ZSWIM5: variants seen among roughly 807,000 people sequenced by gnomAD.
The protein encoded by ZSWIM5 is zinc finger SWIM-type containing 5.
ZSWIM5 carries 55 observed loss-of-function variants against 119.6 expected under a neutral mutation model. The observed-to-expected ratio is 0.46, with a 90% CI of 0.37 to 0.58. The LOEUF (loss-of-function observed/expected upper bound fraction) is 0.58. Ranked by LOEUF, ZSWIM5 falls within the 20% of genes least tolerant of loss-of-function variation. The pLI is 0.00. For synonymous variants in ZSWIM5, 537 were observed against 606.9 expected, an observed-to-expected ratio of 0.88 and a Z score of 1.69; for missense variants, 1,193 against 1,512.8, an observed-to-expected ratio of 0.79 and a Z score of 3.51.
chr1:45,052,885 G>A, intron 4 of ZSWIM5, among the ~76,000 whole-genome samples: 1 of 152,072 alleles, frequency 6.6e-6, no homozygotes, highest in African/African-American at 2.4e-5. Flanking sequence ...CCTGTGGGAG[G>A]CTGAGGTGGG....
chr1:45,146,475 T>C (rs1382782451), intron 1 of ZSWIM5, among the ~76,000 whole-genome samples: 1 of 131,712 alleles, frequency 7.6e-6, no homozygotes, highest in Non-Finnish European at 1.6e-5. Flanking sequence ...AGAGTCTTGC[T>C]CTCACCCAGG....
chr1:45,152,276 G>A (rs1178833445), intron 1 of ZSWIM5, among the ~76,000 whole-genome samples: 1 of 152,222 alleles, frequency 6.6e-6, no homozygotes, highest in Non-Finnish European at 1.5e-5. Flanking sequence ...AGAAAGTCAA[G>A]AGTGGTTTCT....
At chr1:45,205,099 C>G (rs1646179422) in intron 1 of ZSWIM5, among the ~76,000 whole-genome samples, 1 of 151,766 alleles carries the variant, frequency 6.6e-6, no homozygotes, top group African/African-American at 2.4e-5. Flanking sequence ...GAAGAGAGAC[C>G]CCACCCCCAC....
intron 1 of ZSWIM5, among the ~76,000 whole-genome samples, chr1:45,172,516 C>T (rs573882344): frequency 6.6e-6 from 1 of 152,134 alleles, no homozygotes; most frequent in South Asian, 2.1e-4. Flanking sequence ...TTTTATTTTG[C>T]AACATGATAA....
intron 11 of ZSWIM5, among the ~76,000 whole-genome samples, chr1:45,030,232 C>T (rs1569992992): frequency 1.3e-5 from 2 of 152,062 alleles, no homozygotes; most frequent in Non-Finnish European, 2.9e-5. Flanking sequence ...GTGTGAGTCA[C>T]TTTGGCCTTT....
chr1:45,018,526 G>A lies in ZSWIM5; in HGVS notation c.3486C>T (p.Phe1162=). The change falls in exon 14 of 14, where the codon TTC becomes TTT. Residue 1162 remains phenylalanine (F), a synonymous_variant. Transcript: ENST00000359600. This position sits in a 1 kb window ranked among gnomAD's most constrained non-coding sequence, Gnocchi z 6.7. ...PQDGHLQFAQ[F]IDNLKQIYKG... ...TGTAGATCTGTTTGAGGTTGTCGAT[G>A]AACTGGGCAAACTGCAGGTGGCCAT... 1 of 1,614,044 alleles carries A rather than the reference G, an allele frequency of 6.2e-7. No homozygotes were observed. The highest frequency in any genetic ancestry group is 8.5e-7 in the Non-Finnish European group (1 of 1,179,994).
intron 1 of ZSWIM5, among the ~76,000 whole-genome samples, chr1:45,127,516 T>C (rs562624342): frequency 6.6e-6 from 1 of 151,972 alleles, no homozygotes; most frequent in Admixed American, 6.5e-5. Context: ...CCATCATAGT[T>C]CACTGCATAC....
chr1:45,176,701 C>T lies in ZSWIM5; in HGVS notation c.595+29055G>A, dbSNP rs1483372958. 3.9e-5 allele frequency among the ~76,000 whole-genome samples: 6 copies of T among 152,036 alleles called. 1 individual carries two copies. The highest frequency in any genetic ancestry group is 6.6e-5 in the Admixed American group (1 of 15,248). On this transcript the variant is annotated intron_variant, in intron 1 of 13. Coordinates refer to ENST00000359600, the MANE Select transcript of ZSWIM5 (RefSeq NM_020883.2). ...CACAGCTCCTCCCTGCCAATAAGGA[C>T]ATTCTTCTCACTGTGCTCAAGCTCA...
intron 1 of ZSWIM5, among the ~76,000 whole-genome samples, chr1:45,123,796 C>T (rs76293980): frequency 1.3e-5 from 2 of 152,192 alleles, no homozygotes; most frequent in African/African-American, 2.4e-5. Context: ...AAGAAATCCA[C>T]GTCAAGATAC....
chr1:45,104,820 G>GC (rs933520588), intron 1 of ZSWIM5, among the ~76,000 whole-genome samples: 1 of 152,094 alleles, frequency 6.6e-6, no homozygotes, highest in East Asian at 1.9e-4. Context: ...ACAGCCATTG[G>GC]CCCCCCTCAG....
intron 1 of ZSWIM5, among the ~76,000 whole-genome samples, chr1:45,105,850 A>G (rs368364): frequency 0.44 from 43,842 of 99,988 alleles, 7,805 homozygotes; most frequent in African/African-American, 0.59. Flanking sequence ...TGTGAGGAGC[A>G]CCTCTGCCTG....
chr1:45,036,207 C>A lies in ZSWIM5; in HGVS notation c.1987G>T (p.Glu663Ter). The change falls in exon 9 of 14, where the codon GAA becomes TAA. Residue 663 changes from glutamate to a stop codon, truncating the protein, a stop_gained. Coordinates refer to ENST00000359600, the MANE Select transcript of ZSWIM5 (RefSeq NM_020883.2). LOFTEE classifies it high-confidence loss of function. ...SSESYLSLAL[E>*]VALMGLGQQR... The stretch of plus-strand genomic sequence containing the variant: ...TGACCCAGGCCCATCAGTGCAACTT[C>A]CAGGGCCAATGACAGGTAGGACTCA... 1 of 1,614,138 alleles carries A rather than the reference C, an allele frequency of 6.2e-7. No homozygotes were observed. Among genetic ancestry groups the A allele is most frequent in the Non-Finnish European group, 8.5e-7 (1 of 1,180,036 alleles).
chr1:45,187,551 T>C (rs1303868546), intron 1 of ZSWIM5, among the ~76,000 whole-genome samples: 5 of 151,970 alleles, frequency 3.3e-5, no homozygotes, highest in Admixed American at 3.3e-4. Context: ...TTAGCTATAC[T>C]ATCAAAAGAA....
chr1:45,076,186 C>A (rs1264016298), intron 2 of ZSWIM5, among the ~76,000 whole-genome samples: 1 of 152,120 alleles, frequency 6.6e-6, no homozygotes, highest in Non-Finnish European at 1.5e-5. Flanking sequence ...CTGTGTTCTT[C>A]TGTCTACTTA....
intron 5 of ZSWIM5, among the ~76,000 whole-genome samples, chr1:45,044,764 T>TATATATATATAAATATATATATATAA (rs1645039745): frequency 7.6e-4 from 1 of 1,318 alleles, no homozygotes; most frequent in African/African-American, 1.9e-3. Context: ...TATATATATA[T>TATATATATATAAATATATATATATAA]ATATATATAT....
At chr1:45,194,675 A>G (rs1646111680) in intron 1 of ZSWIM5, among the ~76,000 whole-genome samples, 1 of 152,156 alleles carries the variant, frequency 6.6e-6, no homozygotes, top group Non-Finnish European at 1.5e-5. Context: ...CAGGAGATCG[A>G]GACCATCCTG....
intron 11 of ZSWIM5, among the ~76,000 whole-genome samples, chr1:45,030,832 T>G (rs1422893354): frequency 2.7e-5 from 4 of 146,408 alleles, no homozygotes; most frequent in Non-Finnish European, 4.5e-5. Flanking sequence ...AGTCTTACTC[T>G]GTCCTCCAGG....
intron 1 of ZSWIM5, among the ~76,000 whole-genome samples, chr1:45,092,551 C>CCA (rs1322708379): frequency 8.2e-6 from 1 of 121,560 alleles, no homozygotes; most frequent in African/African-American, 3.1e-5. Context: ...CCCCCCCCCC[C>CCA]GCCAGCCTTA....
intron 1 of ZSWIM5, among the ~76,000 whole-genome samples, chr1:45,175,167 C>T (rs566000923): frequency 3.9e-5 from 6 of 152,112 alleles, no homozygotes; most frequent in African/African-American, 1.4e-4. Flanking sequence ...GAAGAATGTC[C>T]CTCAGTAGTG....
Sources: allele counts gnomAD v4.1 joint callset (sites outside exome capture counted in the v4.1 genomes callset), GRCh38; gene constraint gnomAD v4.1.1; non-coding constraint Gnocchi (gnomAD v3.1); transcripts MANE v1.5; gene names NCBI Gene and HGNC (gene_info 2026-07-23, HGNC 2026-07-21).